ABLIM1: variants seen among roughly 807,000 people sequenced by gnomAD.
The protein encoded by ABLIM1 is actin binding LIM protein 1, also known as actin-binding LIM protein 1.
In ABLIM1, 40 loss-of-function variants were observed where a neutral mutation model predicts 107.0. The ratio of observed to expected loss-of-function variants is 0.37; its 90% CI spans 0.29 to 0.49. ABLIM1 has a LOEUF of 0.49. ABLIM1 is among the 20% of genes least tolerant of loss of function. The pLI is 0.97. For synonymous variants in ABLIM1, 357 were observed against 357.3 expected (o/e 1.00, Z 0.01); for missense variants, 857 against 1,008.5 (o/e 0.85, Z 2.04).
At position 114,657,984 on chromosome 10, in the gene ABLIM1, G is replaced by A. The variant is rs753417432; in HGVS notation, c.217C>T (p.Arg73Cys). ...LCPKDYCPRG[R>C]VCNSVDPFVA... ...AAAGGATCAACGCTGTTACATACAC[G>A]CCCACGTGGGCAGTAGTCCTTGGGA... The change falls in exon 1 of 23, where the codon CGT becomes TGT. Residue 73 changes from arginine (R) to cysteine (C), a missense_variant. Physicochemically the swap from Arg to Cys is radical, Grantham distance 180. Around this residue, in one of 5 missense-constraint regions of ABLIM1, gnomAD observed 176 missense variants for 173.5 expected, o/e 1.01. Coordinates refer to ENST00000533213, the MANE Select transcript of ABLIM1 (RefSeq NM_002313.7). 35 of 1,613,668 alleles carry A rather than the reference G, an allele frequency of 2.2e-5. No homozygotes were observed. In the Admixed American group the frequency reaches 4.7e-4, roughly 22 times the overall value.
chr10:114,718,074 G>GAAGGAAGA (rs2081735988), intron 1 of ABLIM1, among the ~76,000 whole-genome samples: 1 of 78,148 alleles, frequency 1.3e-5, no homozygotes, highest in African/African-American at 4.2e-5. Context: ...AGGAAGAAAG[G>GAAGGAAGA]AAGGAAGGAA....
the ABLIM1 span, among the ~76,000 whole-genome samples, chr10:114,792,932 AC>A: frequency 2.6e-5 from 4 of 152,156 alleles, no homozygotes; most frequent in African/African-American, 4.8e-5. Flanking sequence ...TGGGAAGATC[AC>A]CTGAGGTCTG....
intron 1 of ABLIM1, among the ~76,000 whole-genome samples, chr10:114,717,976 G>A (rs112424552): frequency 1.0e-5 from 1 of 99,938 alleles, no homozygotes; most frequent in Non-Finnish European, 2.0e-5. Flanking sequence ...AGAAGGGAAA[G>A]AGAAAGAAAG....
chr10:114,752,532 A>G (rs372977339), intron 1 of ABLIM1, among the ~76,000 whole-genome samples: 9 of 152,300 alleles, frequency 5.9e-5, no homozygotes, highest in African/African-American at 1.9e-4. Context: ...CTATCGACCC[A>G]TCACCTAGGT....
Position 114,567,381 on chromosome 10 carries a change from G to A in ABLIM1, c.673+3916C>T, listed in dbSNP as rs116810515. On this transcript the variant is annotated intron_variant, in intron 4 of 22. Coordinates refer to ENST00000533213, the MANE Select transcript of ABLIM1 (RefSeq NM_002313.7). ...TTTCTTCTTCTCTGAAAAGGGGATA[G>A]TATTAGTGCCAAGCTATAGGATTGT... Among the ~76,000 whole-genome samples, 355 of 152,328 alleles carry A rather than the reference G, an allele frequency of 2.3e-3. 3 individuals are homozygous for A. The highest frequency in any genetic ancestry group is 8.3e-3 in the African/African-American group (345 of 41,576).
intron 6 of ABLIM1, among the ~76,000 whole-genome samples, chr10:114,502,864 C>A (rs1439574281): frequency 1.3e-5 from 2 of 152,118 alleles, no homozygotes; most frequent in Admixed American, 6.5e-5. Flanking sequence ...AACCAGCACC[C>A]AAATTAAAAA....
chr10:114,720,607 A>G (rs1417084283), intron 1 of ABLIM1, among the ~76,000 whole-genome samples: 2 of 152,308 alleles, frequency 1.3e-5, no homozygotes, highest in Non-Finnish European at 1.5e-5. Context: ...AAACACAGAG[A>G]GAGATCTTTG....
chr10:114,487,240 CCA>C (rs1309139567), intron 8 of ABLIM1, among the ~76,000 whole-genome samples: 1 of 152,176 alleles, frequency 6.6e-6, no homozygotes, highest in East Asian at 1.9e-4. Context: ...AAGTTAAACT[CCA>C]GTTTTTCCAT....
chr10:114,696,454 G>T (rs140238863), intron 1 of ABLIM1, among the ~76,000 whole-genome samples: 235 of 152,144 alleles, frequency 1.5e-3, no homozygotes, highest in African/African-American at 5.1e-3. Flanking sequence ...TTCTTATAAG[G>T]ACACCATTTG....
At chr10:114,600,305 G>A (rs2075853060) in intron 2 of ABLIM1, among the ~76,000 whole-genome samples, 1 of 152,176 alleles carries the variant, frequency 6.6e-6, no homozygotes, top group Admixed American at 6.5e-5. Flanking sequence ...GGGTTTTCAG[G>A]AGGATTAAAT....
At position 114,709,472 on chromosome 10, in the gene ABLIM1, A is replaced by C. The variant is rs528639061; in HGVS notation, c.-213+58589T>G. Among the ~76,000 whole-genome samples, 17 of 152,362 alleles carry C rather than the reference A, an allele frequency of 1.1e-4. No homozygotes were observed. The East Asian group carries it at 3.3e-3, about 29-fold the overall frequency. ...AAACAGTTATAATTATAAATGCACCATATACATTTTTAATGGCCACTATGT... is the reference window on the plus strand; with the variant it reads ...AAACAGTTATAATTATAAATGCACCCTATACATTTTTAATGGCCACTATGT... On this transcript the variant is annotated intron_variant, in intron 1 of 15. Transcript: ENST00000651092.
chr10:114,710,434 C>A (rs1036932804), intron 1 of ABLIM1, among the ~76,000 whole-genome samples: 3 of 152,068 alleles, frequency 2.0e-5, no homozygotes, highest in Non-Finnish European at 4.4e-5. Flanking sequence ...AAAGGGGAAA[C>A]CCCTTATAAA....
chr10:114,468,094 G>T, intron 11 of ABLIM1, 87 bp downstream of exon 11: 1 of 1,226,408 alleles, frequency 8.2e-7, no homozygotes, highest in Non-Finnish European at 1.2e-6. Context: ...TGTATGTTAT[G>T]TTCTTTTTCA....
At chr10:114,490,972 A>ATGTGTGTGTGTGTG (rs1565576792) in intron 7 of ABLIM1, among the ~76,000 whole-genome samples, 1 of 85,032 alleles carries the variant, frequency 1.2e-5, no homozygotes, top group African/African-American at 4.8e-5. Flanking sequence ...CCCGGCATAT[A>ATGTGTGTGTGTGTG]TATGTGTGTG....
chr10:114,471,150 C>T (rs1376313413), intron 10 of ABLIM1, among the ~76,000 whole-genome samples: 1 of 152,190 alleles, frequency 6.6e-6, no homozygotes, highest in East Asian at 1.9e-4. Flanking sequence ...TGGCCTTGGC[C>T]TCCTAAAGTG....
chr10:114,693,328 A>G (rs1479284917), intron 1 of ABLIM1, among the ~76,000 whole-genome samples: 1 of 152,068 alleles, frequency 6.6e-6, no homozygotes, highest in Non-Finnish European at 1.5e-5. Context: ...AAAATCCCCA[A>G]CCTACCCAAT....
intron 4 of ABLIM1, among the ~76,000 whole-genome samples, chr10:114,550,808 G>C (rs2067969774): frequency 6.6e-6 from 1 of 152,136 alleles, no homozygotes; most frequent in South Asian, 2.1e-4. Context: ...TTTAATCCAA[G>C]TCTAACTGAA....
rs75904720 is a variant in ABLIM1, at chr10:114,518,238, G to A, written c.895-26360C>T. Among the ~76,000 whole-genome samples, 115 of 152,106 alleles carry A rather than the reference G, an allele frequency of 7.6e-4. 1 individual carries two copies. The highest frequency in any genetic ancestry group is 2.5e-3 in the African/African-American group (102 of 41,496). ...GAAAAAATTTACATGATCCAACCCCGTATTTGTAAGTATCTGCATGCCAGT... is the reference window on the plus strand; with the variant it reads ...GAAAAAATTTACATGATCCAACCCCATATTTGTAAGTATCTGCATGCCAGT... On this transcript the variant is annotated intron_variant, in intron 6 of 22. Transcript: ENST00000533213.
chr10:114,784,362 A>G, the ABLIM1 span, among the ~76,000 whole-genome samples: 2 of 145,706 alleles, frequency 1.4e-5, no homozygotes, highest in Admixed American at 6.8e-5. Flanking sequence ...AGAAAGAAAG[A>G]AAGAAAGAAA....
Sources: gnomAD v4.1 joint callset for allele counts (sites outside exome capture counted in the v4.1 genomes callset) on GRCh38, gnomAD v4.1.1 for gene constraint, gnomAD v4.1.1 regional missense constraint, MANE v1.5 for transcripts, NCBI Gene and HGNC (gene_info 2026-07-23, HGNC 2026-07-21) for gene names.